NAALADL2: variants seen among roughly 807,000 people sequenced by gnomAD.
NAALADL2 encodes inactive N-acetylated-alpha-linked acidic dipeptidase-like protein 2.
In NAALADL2, 76 loss-of-function variants were observed where a neutral mutation model predicts 87.2. The observed-to-expected ratio is 0.87, with a 90% CI of 0.72 to 1.05. The LOEUF is 1.05. Ranked by LOEUF, NAALADL2 falls within the 50% of genes least tolerant of loss-of-function variation. NAALADL2 has a pLI of 0.00. For synonymous variants in NAALADL2, 354 were observed against 331.0 expected (o/e 1.07, Z -0.75); for missense variants, 1,089 against 945.8 (o/e 1.15, Z -1.99).
intron 2 of NAALADL2, among the ~76,000 whole-genome samples, chr3:174,730,481 G>A (rs969025027): frequency 1.1e-4 from 17 of 151,988 alleles, no homozygotes; most frequent in Non-Finnish European, 2.9e-5. Context: ...ATAGATATAT[G>A]TCAAAATAAA....
intron 1 of NAALADL2, among the ~76,000 whole-genome samples, chr3:174,983,001 T>A (rs1448311030): frequency 1.3e-5 from 2 of 152,160 alleles, no homozygotes; most frequent in Non-Finnish European, 1.5e-5. Context: ...GGTTTCAACA[T>A]GTTAGCCAGG....
intron 5 of NAALADL2, among the ~76,000 whole-genome samples, chr3:175,328,522 C>A (rs1761020462): frequency 6.6e-6 from 1 of 152,008 alleles, no homozygotes; most frequent in South Asian, 2.1e-4. Flanking sequence ...TTATCTTCAG[C>A]TCAAAGTAAT....
At chr3:174,801,622 C>G (rs942563668) in intron 3 of NAALADL2, among the ~76,000 whole-genome samples, 1 of 152,066 alleles carries the variant, frequency 6.6e-6, no homozygotes, top group Non-Finnish European at 1.5e-5. Context: ...GTGATATTAG[C>G]CATTTTATTC....
At chr3:175,013,246 A>G (rs1206292839) in intron 1 of NAALADL2, among the ~76,000 whole-genome samples, 22 of 101,338 alleles carry the variant, frequency 2.2e-4, no homozygotes, top group African/African-American at 8.2e-4. Flanking sequence ...CATATATAAA[A>G]TATATAATAT....
intron 3 of NAALADL2, among the ~76,000 whole-genome samples, chr3:174,798,678 A>T (rs543597303): frequency 6.6e-6 from 1 of 152,100 alleles, no homozygotes; most frequent in African/African-American, 2.4e-5. Context: ...TTTTGATGCT[A>T]TGTTAAATGA....
chr3:175,191,647 T>C (rs1738225752), intron 2 of NAALADL2, among the ~76,000 whole-genome samples: 1 of 152,202 alleles, frequency 6.6e-6, no homozygotes, highest in Admixed American at 6.5e-5. Flanking sequence ...GGAGAGGCTT[T>C]GCTGAGCGAT....
chr3:175,794,664 C>T (rs1206165264), intron 13 of NAALADL2, among the ~76,000 whole-genome samples: 2 of 152,128 alleles, frequency 1.3e-5, no homozygotes, highest in African/African-American at 4.8e-5. Flanking sequence ...ACAGTAACTG[C>T]AAAAGAACAC....
chr3:175,692,818 G>C (rs772749465), intron 11 of NAALADL2, among the ~76,000 whole-genome samples: 4 of 152,116 alleles, frequency 2.6e-5, no homozygotes, highest in Non-Finnish European at 5.9e-5. Context: ...TTTTCCATCA[G>C]TCTTAGCTAA....
chr3:175,793,149 A>G (rs1752997012), intron 13 of NAALADL2, among the ~76,000 whole-genome samples: 1 of 152,162 alleles, frequency 6.6e-6, no homozygotes, highest in Admixed American at 6.5e-5. Flanking sequence ...AATTCATACC[A>G]TGGGGAACTA....
chr3:174,463,281 T>C (rs1347777684), intron 1 of NAALADL2, among the ~76,000 whole-genome samples: 2 of 152,160 alleles, frequency 1.3e-5, no homozygotes, highest in East Asian at 1.9e-4. Context: ...TGTCCTGCTA[T>C]GTAGAAAGCC....
intron 10 of NAALADL2, among the ~76,000 whole-genome samples, chr3:175,601,303 TA>T (rs1012640221): frequency 2.6e-5 from 4 of 152,202 alleles, no homozygotes; most frequent in African/African-American, 9.6e-5. Flanking sequence ...ATGTGTATGT[TA>T]AAAAATTATA....
At chr3:175,629,685 C>G (rs1046012852) in intron 11 of NAALADL2, among the ~76,000 whole-genome samples, 7 of 151,634 alleles carry the variant, frequency 4.6e-5, no homozygotes, top group African/African-American at 1.7e-4. Flanking sequence ...TAAACATATA[C>G]TAATTCTCGA....
intron 1 of NAALADL2, among the ~76,000 whole-genome samples, chr3:175,091,267 G>A (rs1720070508): frequency 6.6e-6 from 1 of 152,052 alleles, no homozygotes; most frequent in Non-Finnish European, 1.5e-5. Flanking sequence ...CCACAAAGAT[G>A]CATAATGAAT....
At chr3:174,605,662 G>A (rs898526482) in intron 2 of NAALADL2, among the ~76,000 whole-genome samples, 2 of 152,162 alleles carry the variant, frequency 1.3e-5, no homozygotes, top group African/African-American at 4.8e-5. Flanking sequence ...CAGCAGCCAG[G>A]AAGCTCGAAC....
Position 175,705,970 on chromosome 3 carries a change from A to G in NAALADL2, c.1897-31336A>G, listed in dbSNP as rs904577329. Among the ~76,000 whole-genome samples, 11 of 152,292 alleles carry G rather than the reference A, an allele frequency of 7.2e-5. No individual in the cohort carries two copies. In the South Asian group the frequency reaches 2.1e-3, roughly 29 times the overall value. Reference sequence around the variant, plus strand: ...ACCTTGGCAAAGGAAGTAACATGGCATTTTCGGCTTAATCAAATAATAACC... The same window carrying G: ...ACCTTGGCAAAGGAAGTAACATGGCGTTTTCGGCTTAATCAAATAATAACC... On this transcript the variant is annotated intron_variant, in intron 11 of 13. Transcript: ENST00000454872.
At chr3:175,640,943 T>G (rs1423091431) in intron 11 of NAALADL2, among the ~76,000 whole-genome samples, 1 of 152,186 alleles carries the variant, frequency 6.6e-6, no homozygotes, top group East Asian at 1.9e-4. Flanking sequence ...AACACTAAAT[T>G]GTCTATTTCA....
At chr3:175,314,020 C>T (rs144681552) in intron 4 of NAALADL2, among the ~76,000 whole-genome samples, 1,576 of 143,482 alleles carry the variant, frequency 0.011, 20 homozygotes, top group Admixed American at 0.016. Context: ...CAATATTGTG[C>T]TAATATTGTG....
chr3:174,565,910 A>G (rs1225728485), intron 2 of NAALADL2, among the ~76,000 whole-genome samples: 1 of 152,048 alleles, frequency 6.6e-6, no homozygotes, highest in African/African-American at 2.4e-5. Context: ...GTATAGCTGA[A>G]GAATTACTAC....
At chr3:175,337,472 A>G (rs1313113411) in intron 5 of NAALADL2, among the ~76,000 whole-genome samples, 1 of 152,182 alleles carries the variant, frequency 6.6e-6, no homozygotes, top group Non-Finnish European at 1.5e-5. Flanking sequence ...CCAATCAACC[A>G]TGACTGGTGT....
Sources: allele counts gnomAD v4.1 joint callset (sites outside exome capture counted in the v4.1 genomes callset), GRCh38; gene constraint gnomAD v4.1.1; transcripts MANE v1.5; gene names NCBI Gene and HGNC (gene_info 2026-07-23, HGNC 2026-07-21).